SCN9A: variants seen among roughly 807,000 people sequenced by gnomAD.
The protein encoded by SCN9A is sodium channel protein type 9 subunit alpha.
Under a neutral mutation model 187.0 loss-of-function variants are expected in SCN9A, and 131 were observed. That is an observed-to-expected ratio of 0.70 (90% CI 0.61 to 0.81). The LOEUF (loss-of-function observed/expected upper bound fraction) is 0.81. SCN9A is among the 30% of genes least tolerant of loss of function. The pLI, the probability that SCN9A is intolerant of heterozygous loss-of-function variation, is 0.00. For missense variants in SCN9A, 2,252 were observed against 2,396.6 expected (o/e 0.94, Z 1.26); for synonymous variants, 809 against 808.6 (o/e 1.00, Z -0.01).
intron 17 of SCN9A, among the ~76,000 whole-genome samples, chr2:166,264,345 CAGG>C (rs943011926): frequency 5.9e-5 from 9 of 151,936 alleles, no homozygotes; most frequent in African/African-American, 2.2e-4. Context: ...CATTGCACTT[CAGG>C]AGAAGGCTGA....
chr2:166,327,402 C>T (rs4408747), intron 1 of SCN9A, among the ~76,000 whole-genome samples: 33,595 of 152,050 alleles, frequency 0.22, 4,790 homozygotes, highest in Non-Finnish European at 0.33. Flanking sequence ...AGTGATCTGC[C>T]CTCCTTGGCC....
At chr2:166,289,572 C>T (rs1405282056) in intron 9 of SCN9A, among the ~76,000 whole-genome samples, 1 of 152,090 alleles carries the variant, frequency 6.6e-6, no homozygotes, top group Non-Finnish European at 1.5e-5. Flanking sequence ...TTTTCTTTAT[C>T]CAGTCTATCA....
chr2:166,281,632 T>C, intron 13 of SCN9A, 47 bp downstream of exon 13: 1 of 1,559,740 alleles, frequency 6.4e-7, no homozygotes, highest in South Asian at 1.2e-5. Context: ...CAGATTTATG[T>C]TAATTTTATT....
chr2:166,306,955 T>C lies in SCN9A; in HGVS notation c.377+1A>G, dbSNP rs779164966. 5 of 1,498,744 alleles carry C rather than the reference T, an allele frequency of 3.3e-6. No homozygotes were observed. Among genetic ancestry groups the C allele is most frequent in the South Asian group, 1.1e-5 (1 of 87,412 alleles). 92.8% of individuals were successfully genotyped at this position (1,498,744 alleles called of 1,614,324 possible). On this transcript the variant is annotated splice_donor_variant, in intron 3 of 26. Coordinates refer to ENST00000642356, the MANE Select transcript of SCN9A (RefSeq NM_001365536.1). LOFTEE classifies it high-confidence loss of function. Reference sequence around the variant, plus strand: ...GGATGTAATCATTTTTAAAAGGATATGAGTGTACTAAAATCTTAATAGATA... The same window carrying C: ...GGATGTAATCATTTTTAAAAGGATACGAGTGTACTAAAATCTTAATAGATA...
At chr2:166,334,764 C>A (rs73969701) in intron 1 of SCN9A, among the ~76,000 whole-genome samples, 12 of 152,204 alleles carry the variant, frequency 7.9e-5, no homozygotes, top group African/African-American at 2.9e-4. Flanking sequence ...TGTCCTATAG[C>A]ACTAGAAAAT....
chr2:166,242,618 CTA>C lies in SCN9A; in HGVS notation c.3509_3510del (p.Ile1170ArgfsTer20), dbSNP rs1488788696. 1 of 1,553,550 alleles carries C rather than the reference CTA, an allele frequency of 6.4e-7. No homozygotes were observed. ...VWRFSCCQVN[I>X]ESGKGKIWWN... ...CACCAGATTTTTCCTTTCCCTGACTCTATGTTAACTTGGCAGCATGAGAACCT... is the reference window on the plus strand; with the variant it reads ...CACCAGATTTTTCCTTTCCCTGACTCTGTTAACTTGGCAGCATGAGAACCT... On this transcript the variant is annotated frameshift_variant, in exon 19 of 27. Transcript: ENST00000642356. LOFTEE classifies it high-confidence loss of function.
chr2:166,372,426 T>C (rs1322654817), intron 1 of SCN9A, among the ~76,000 whole-genome samples: 1 of 152,204 alleles, frequency 6.6e-6, no homozygotes, highest in Non-Finnish European at 1.5e-5. Flanking sequence ...TCAGTGACTA[T>C]TGACTGGCCC....
At chr2:166,338,862 A>G (rs561331700) in intron 1 of SCN9A, among the ~76,000 whole-genome samples, 59 of 152,266 alleles carry the variant, frequency 3.9e-4, no homozygotes, top group African/African-American at 1.3e-3. Context: ...ATGGAATTAG[A>G]TACTTTGCTC....
At chr2:166,208,627 C>T (rs1031368662) in intron 24 of SCN9A, among the ~76,000 whole-genome samples, 1 of 152,012 alleles carries the variant, frequency 6.6e-6, no homozygotes, top group Non-Finnish European at 1.5e-5. Flanking sequence ...TTATTAAAAA[C>T]TAATTTCACA....
At chr2:166,342,839 G>A (rs1221097895) in intron 1 of SCN9A, among the ~76,000 whole-genome samples, 2 of 152,022 alleles carry the variant, frequency 1.3e-5, no homozygotes, top group South Asian at 2.1e-4. Flanking sequence ...TTGTTCTTAG[G>A]TGTGCATATT....
intron 1 of SCN9A, among the ~76,000 whole-genome samples, chr2:166,375,203 T>C (rs528392678): frequency 1.3e-5 from 2 of 152,320 alleles, no homozygotes; most frequent in African/African-American, 2.4e-5. Flanking sequence ...TGTGTTTGTG[T>C]GCTCTTAAGG....
At chr2:166,287,634 C>A (rs916496682) in intron 10 of SCN9A, among the ~76,000 whole-genome samples, 1 of 152,068 alleles carries the variant, frequency 6.6e-6, no homozygotes, top group African/African-American at 2.4e-5. Flanking sequence ...AATGTTAAGG[C>A]AACTGCAGTA....
At chr2:166,320,710 A>G (rs531116715) in intron 1 of SCN9A, among the ~76,000 whole-genome samples, 1 of 152,316 alleles carries the variant, frequency 6.6e-6, no homozygotes, top group South Asian at 2.1e-4. Flanking sequence ...CTTAATACCA[A>G]TAACCCACAA....
At chr2:166,330,707 T>A (rs1190822387) in intron 1 of SCN9A, among the ~76,000 whole-genome samples, 1 of 152,032 alleles carries the variant, frequency 6.6e-6, no homozygotes, top group African/African-American at 2.4e-5. Context: ...TTAGTTAGAG[T>A]CTCATAAGGA....
Position 166,251,054 on chromosome 2 carries a change from T to A in SCN9A, c.3472+711A>T, listed in dbSNP as rs185274423. The stretch of plus-strand genomic sequence containing the variant: ...CTTGGAATGTTTTACAAACAACAGA[T>A]GGTGATGACCAATGGGGAATTGTAA... On this transcript the variant is annotated intron_variant, in intron 18 of 26. Transcript: ENST00000642356. Among the ~76,000 whole-genome samples, 5 of 151,716 alleles carry A rather than the reference T, an allele frequency of 3.3e-5. No homozygotes were observed. The East Asian group carries it at 9.7e-4, about 30-fold the overall frequency.
chr2:166,315,722 A>G (rs1699092965), intron 1 of SCN9A, among the ~76,000 whole-genome samples: 1 of 152,200 alleles, frequency 6.6e-6, no homozygotes, highest in Non-Finnish European at 1.5e-5. Flanking sequence ...GCAAGATGAT[A>G]GGCTGACAGG....
intron 1 of SCN9A, among the ~76,000 whole-genome samples, chr2:166,346,072 C>T (rs1358532): frequency 0.22 from 33,803 of 152,050 alleles, 4,900 homozygotes; most frequent in Non-Finnish European, 0.33. Flanking sequence ...TTCTCCTGCT[C>T]CTCTGGGCTT....
At chr2:166,293,199 A>G in intron 9 of SCN9A, 32 bp downstream of exon 9, 1 of 1,561,068 alleles carries the variant, frequency 6.4e-7, no homozygotes, top group South Asian at 1.2e-5. Context: ...ATGCCATTCA[A>G]AAATACAATG....
intron 24 of SCN9A, among the ~76,000 whole-genome samples, chr2:166,213,578 AAAC>A (rs1276653708): frequency 6.6e-6 from 1 of 151,782 alleles, no homozygotes; most frequent in Non-Finnish European, 1.5e-5. Context: ...TTTAAAGAAG[AAAC>A]AACATTAATT....
Sources: gnomAD v4.1 joint callset for allele counts (sites outside exome capture counted in the v4.1 genomes callset) on GRCh38, gnomAD v4.1.1 for gene constraint, MANE v1.5 for transcripts, NCBI Gene and HGNC (gene_info 2026-07-23, HGNC 2026-07-21) for gene names.